The following NBAS variants were observed in gnomAD, a reference collection of about 807,000 sequenced individuals.
NBAS encodes the protein NAG/BC035112 fusion.
A neutral mutation model predicts 302.5 loss-of-function variants in NBAS; 219 were observed. That is an observed-to-expected ratio of 0.72 (90% confidence interval 0.65 to 0.81). The LOEUF (loss-of-function observed/expected upper bound fraction) is 0.81, where lower values mean the gene tolerates loss of function less well. Ranked by LOEUF, NBAS falls within the 30% of genes least tolerant of loss-of-function variation. The probability of loss-of-function intolerance (pLI) is 0.00; values close to 1 mark genes in which losing one functional copy is unlikely to be tolerated. For missense variants in NBAS, 2,932 were observed against 2,841.6 expected (o/e 1.03, Z -0.72); for synonymous variants, 1,118 against 1,021.6 (o/e 1.09, Z -1.80).
At chr2:15,345,139 T>A (rs1673031877) in intron 35 of NBAS, among the ~76,000 whole-genome samples, 3 of 152,164 alleles carry the variant, frequency 2.0e-5, no homozygotes, top group African/African-American at 7.2e-5. Flanking sequence ...TTCAACATAG[T>A]ACTGGCAGTT....
intron 9 of NBAS, among the ~76,000 whole-genome samples, chr2:15,531,494 G>A (rs760677791): frequency 3.3e-5 from 5 of 152,022 alleles, no homozygotes; most frequent in African/African-American, 9.7e-5. Context: ...TGAGTTTAGG[G>A]GAAAGTCTGT....
intron 35 of NBAS, among the ~76,000 whole-genome samples, chr2:15,342,183 G>C (rs1672885251): frequency 6.6e-6 from 1 of 152,084 alleles, no homozygotes; most frequent in African/African-American, 2.4e-5. Context: ...AATATACAAA[G>C]ATGTGTACGT....
the NBAS span, among the ~76,000 whole-genome samples, chr2:14,953,271 G>A: frequency 6.6e-6 from 1 of 152,186 alleles, no homozygotes; most frequent in Non-Finnish European, 1.5e-5. Flanking sequence ...ACTGTATCAG[G>A]GAGGATGATG....
At chr2:15,179,208 G>T in intron 50 of NBAS, 92 bp from the exon 51 acceptor site, 1 of 1,591,532 alleles carries the variant, frequency 6.3e-7, no homozygotes, top group African/African-American at 1.3e-5. Context: ...TTTTTCTGTG[G>T]TAGCGTGTGT....
chr2:15,337,200 A>G (rs1244456523), intron 35 of NBAS, among the ~76,000 whole-genome samples: 1 of 152,116 alleles, frequency 6.6e-6, no homozygotes, highest in South Asian at 2.1e-4. Context: ...ATGTGCCTAT[A>G]GTCTTAGCTA....
At chr2:15,048,083 G>A in the NBAS span, among the ~76,000 whole-genome samples, 46 of 152,320 alleles carry the variant, frequency 3.0e-4, no homozygotes, top group African/African-American at 1.1e-3. Context: ...GGAAACAGCA[G>A]GGAGAAAAAC....
At chr2:14,872,066 G>A in the NBAS span, among the ~76,000 whole-genome samples, 8 of 151,936 alleles carry the variant, frequency 5.3e-5, no homozygotes, top group East Asian at 1.3e-3. Context: ...GTACTAGGAT[G>A]GAAAAACACA....
At chr2:15,534,292 C>T (rs113126274) in intron 9 of NBAS, among the ~76,000 whole-genome samples, 4,112 of 152,190 alleles carry the variant, frequency 0.027, 205 homozygotes, top group African/African-American at 0.094. Context: ...AAAATAAGGT[C>T]CGGGGGTTAA....
chr2:15,144,040 TATATAAAA>T, the NBAS span, among the ~76,000 whole-genome samples: 6 of 116,442 alleles, frequency 5.2e-5, 2 homozygotes, highest in East Asian at 2.7e-3. Context: ...TATTATCCTA[TATATAAAA>T]ATATATATAT....
the NBAS span, among the ~76,000 whole-genome samples, chr2:14,871,748 C>T: frequency 6.6e-6 from 1 of 151,930 alleles, no homozygotes; most frequent in Non-Finnish European, 1.5e-5. Flanking sequence ...CTAAGATAAT[C>T]ATTAAAATAT....
At chr2:15,512,234 A>G (rs1381260739) in intron 9 of NBAS, among the ~76,000 whole-genome samples, 1 of 152,226 alleles carries the variant, frequency 6.6e-6, no homozygotes, top group East Asian at 1.9e-4. Flanking sequence ...AATTTATGTC[A>G]ACTAAAGCTA....
chr2:15,491,932 C>G (rs1680874032), intron 11 of NBAS, among the ~76,000 whole-genome samples: 1 of 152,130 alleles, frequency 6.6e-6, no homozygotes, highest in Non-Finnish European at 1.5e-5. Flanking sequence ...TGTTTCTCCT[C>G]TACACTCACT....
chr2:15,336,516 G>T (rs901505611), intron 35 of NBAS, among the ~76,000 whole-genome samples: 1 of 152,072 alleles, frequency 6.6e-6, no homozygotes, highest in South Asian at 2.1e-4. Flanking sequence ...GGCAGATCAC[G>T]AGGTCAGGAG....
chr2:15,392,021 C>CAAAAAA (rs11378139), intron 28 of NBAS, among the ~76,000 whole-genome samples: 40 of 149,404 alleles, frequency 2.7e-4, no homozygotes, highest in East Asian at 9.8e-4. Flanking sequence ...CCTAGCACTA[C>CAAAAAA]CAAAAAAAAA....
At chr2:15,385,895 G>A (rs1181882708) in intron 28 of NBAS, among the ~76,000 whole-genome samples, 3 of 152,108 alleles carry the variant, frequency 2.0e-5, no homozygotes, top group East Asian at 1.9e-4. Context: ...AATTTGGGGG[G>A]TTGGGGGAGA....
At chr2:15,203,900 G>C (rs1008742515) in intron 48 of NBAS, among the ~76,000 whole-genome samples, 1 of 148,798 alleles carries the variant, frequency 6.7e-6, no homozygotes, top group Admixed American at 6.6e-5. Flanking sequence ...TTGTGTGTGT[G>C]TGTGTGTGTG....
chr2:15,045,767 A>G, the NBAS span, among the ~76,000 whole-genome samples: 121 of 152,280 alleles, frequency 7.9e-4, no homozygotes, highest in Non-Finnish European at 1.5e-3. Context: ...TTCTACGCCA[A>G]ATTTTTTGAG....
At chr2:14,973,636 G>A in the NBAS span, among the ~76,000 whole-genome samples, 1 of 152,046 alleles carries the variant, frequency 6.6e-6, no homozygotes, top group Non-Finnish European at 1.5e-5. Flanking sequence ...CAAAGGCAAA[G>A]GAAAATGAAC....
chr2:15,351,090 ATCAG>A (rs1278103841), intron 35 of NBAS, among the ~76,000 whole-genome samples: 4 of 152,180 alleles, frequency 2.6e-5, no homozygotes, highest in African/African-American at 9.7e-5. Flanking sequence ...ACCAAGGTCA[ATCAG>A]TGTTCATATG....
Sources: allele counts gnomAD v4.1 joint callset (sites outside exome capture counted in the v4.1 genomes callset), GRCh38; gene constraint gnomAD v4.1.1; transcripts MANE v1.5; gene names NCBI Gene and HGNC (gene_info 2026-07-23, HGNC 2026-07-21).